The following NOSIP variants were observed in gnomAD, a reference collection of about 807,000 sequenced individuals.
NOSIP encodes nitric oxide synthase interacting protein.
A neutral mutation model predicts 36.4 loss-of-function variants in NOSIP; 25 were observed. The ratio of observed to expected loss-of-function variants is 0.69; its 90% CI spans 0.50 to 0.96. The LOEUF (loss-of-function observed/expected upper bound fraction) is 0.96. Ranked by LOEUF, NOSIP falls within the 40% of genes least tolerant of loss-of-function variation. The probability of loss-of-function intolerance (pLI) is 0.00; values close to 1 mark genes in which losing one functional copy is unlikely to be tolerated. For missense variants in NOSIP, 370 were observed against 429.0 expected, an observed-to-expected ratio of 0.86 and a Z score of 1.21; for synonymous variants, 187 against 179.2, an observed-to-expected ratio of 1.04 and a Z score of -0.35.
intron 4 of NOSIP, 128 bp from the exon 5 acceptor site, chr19:49,557,377 G>A: frequency 1.4e-6 from 2 of 1,447,636 alleles, no homozygotes; most frequent in Non-Finnish European, 1.8e-6. Flanking sequence ...GGCAGAGGGT[G>A]GTAACTGCCA....
chr19:49,559,885 TTCCCTTGCTC>T (rs1439223928), intron 3 of NOSIP, 39 bp downstream of exon 3: 2 of 1,412,678 alleles, frequency 1.4e-6, no homozygotes, highest in Non-Finnish European at 2.0e-6. Context: ...CTCCTGGCGG[TTCCCTTGCTC>T]TCCCCACCCA....
chr19:49,558,824 G>C, intron 4 of NOSIP, 73 bp downstream of exon 4: 1 of 1,199,022 alleles, frequency 8.3e-7, no homozygotes, highest in Non-Finnish European at 1.2e-6. Context: ...AGAGGGCTCT[G>C]AGTGGCTCTG....
chr19:49,557,625 T>C, intron 4 of NOSIP: 1 of 1,101,654 alleles, frequency 9.1e-7, no homozygotes, highest in African/African-American at 1.6e-5. Flanking sequence ...TTAATTAATG[T>C]CACCTGCTGG....
chr19:49,558,266 T>TTG (rs10677626), intron 4 of NOSIP: 1 of 145,970 alleles, frequency 6.9e-6, no homozygotes, highest in Non-Finnish European at 1.5e-5. Flanking sequence ...TTTTTTTTTT[T>TTG]GAAACAGAAT....
chr19:49,567,404 A>G (rs986955543), intron 1 of NOSIP, among the ~76,000 whole-genome samples: 2 of 152,136 alleles, frequency 1.3e-5, no homozygotes, highest in African/African-American at 4.8e-5. Context: ...TACAGGCGTG[A>G]GCCACCGTGC....
chr19:49,562,308 G>A (rs1244215561), intron 1 of NOSIP, among the ~76,000 whole-genome samples: 17 of 152,094 alleles, frequency 1.1e-4, no homozygotes, highest in Non-Finnish European at 2.2e-4. Flanking sequence ...ATTTTTAGTA[G>A]AGACGGGGTT....
chr19:49,560,413 G>A lies in NOSIP; in HGVS notation c.70+209C>T. On this transcript the variant is annotated intron_variant, in intron 2 of 8. Coordinates refer to ENST00000596358, the MANE Select transcript of NOSIP (RefSeq NM_001270960.2). This position sits in a 1 kb window ranked among gnomAD's most constrained non-coding sequence, Gnocchi z 4.6. ...CCTCCCTGACACTCTGTTGGGAGGAGTGAGTTCATGCGCAGAAGGCAGAGA... is the reference window on the plus strand; with the variant it reads ...CCTCCCTGACACTCTGTTGGGAGGAATGAGTTCATGCGCAGAAGGCAGAGA... 1.7e-6 allele frequency: 1 copy of A among 599,178 alleles called. No homozygotes were observed. Among genetic ancestry groups the A allele is most frequent in the East Asian group, 2.8e-5 (1 of 35,814 alleles). 37.1% of individuals were successfully genotyped at this position (599,178 alleles called of 1,614,324 possible).
At chr19:49,562,153 C>T (rs2080344083) in intron 1 of NOSIP, among the ~76,000 whole-genome samples, 1 of 152,074 alleles carries the variant, frequency 6.6e-6, no homozygotes, top group Non-Finnish European at 1.5e-5. Flanking sequence ...CGGAGTTTCA[C>T]TCTTGTTGCC....
At chr19:49,562,428 C>T (rs373153641) in intron 1 of NOSIP, among the ~76,000 whole-genome samples, 15 of 152,010 alleles carry the variant, frequency 9.9e-5, no homozygotes, top group African/African-American at 3.4e-4. Flanking sequence ...CTGGCCCCTG[C>T]AGGCTTTTTT....
intron 1 of NOSIP, among the ~76,000 whole-genome samples, chr19:49,573,426 G>T (rs770799889): frequency 5.9e-5 from 9 of 152,282 alleles, no homozygotes; most frequent in Admixed American, 1.3e-4. Context: ...CCGTCCCTCG[G>T]TATTTCGGCT....
chr19:49,558,936 G>A lies in NOSIP; in HGVS notation c.219C>T (p.Tyr73=), dbSNP rs1261583196. The A allele has an allele frequency of 6.2e-7, 1 of 1,614,094 alleles. No individual in the cohort carries two copies. Among genetic ancestry groups the A allele is most frequent in the Admixed American group, 1.7e-5 (1 of 60,002 alleles). Residue 73 remains tyrosine, a synonymous_variant, in exon 4 of 9, where the codon TAC becomes TAT. Transcript: ENST00000596358. ...YLYEREAILE[Y]ILHQKKEIAR... Reference sequence around the variant, plus strand: ...CAATCTCCTTCTTCTGGTGCAGAATGTACTCCAGGATGGCCTCACGCTCAT... The same window carrying A: ...CAATCTCCTTCTTCTGGTGCAGAATATACTCCAGGATGGCCTCACGCTCAT...
intron 1 of NOSIP, among the ~76,000 whole-genome samples, chr19:49,566,113 G>A (rs933753852): frequency 2.6e-5 from 4 of 151,474 alleles, no homozygotes; most frequent in Non-Finnish European, 4.4e-5. Flanking sequence ...TCTGCCACCC[G>A]GGTTCACGCC....
intron 8 of NOSIP, 98 bp downstream of exon 8, chr19:49,556,219 A>C: frequency 1.2e-5 from 4 of 339,876 alleles, no homozygotes; most frequent in Non-Finnish European, 1.6e-5. Context: ...GGGGCCTTGG[A>C]GAGTTGGGGG....
intron 1 of NOSIP, among the ~76,000 whole-genome samples, chr19:49,578,652 C>CT (rs771109884): frequency 0.062 from 8,997 of 144,762 alleles, 280 homozygotes; most frequent in South Asian, 0.12. Context: ...TCTATTTTTT[C>CT]TTTTTTTTTT....
At chr19:49,579,105 T>G (rs2080591535) in intron 1 of NOSIP, 1 of 151,988 alleles carries the variant, frequency 6.6e-6, no homozygotes, top group Non-Finnish European at 1.5e-5. Flanking sequence ...AGTTCTAAAT[T>G]AAGAGAGATG....
rs367797286 is a variant in NOSIP, at chr19:49,579,801, AT to A, written c.-2+713del. Among the ~76,000 whole-genome samples the A allele has an allele frequency of 9.8e-5, 15 of 152,338 alleles. 1 individual carries two copies. The East Asian group carries it at 2.3e-3, about 23-fold the overall frequency. On this transcript the variant is annotated intron_variant, in intron 1 of 8. Transcript: ENST00000596358. ...TTAAGTTTAAAAAAATACAGCAAGTATGGCAAAAATAATCATTGGTGATTTG... is the reference window on the plus strand; with the variant it reads ...TTAAGTTTAAAAAAATACAGCAAGTAGGCAAAAATAATCATTGGTGATTTG...
At chr19:49,575,479 CTGAAAATGGGG>C (rs2080539734) in intron 1 of NOSIP, among the ~76,000 whole-genome samples, 1 of 152,170 alleles carries the variant, frequency 6.6e-6, no homozygotes. Flanking sequence ...TTCACTACCC[CTGAAAATGGGG>C]CACCCAGGCA....
At chr19:49,568,268 G>A (rs1599758782) in intron 1 of NOSIP, among the ~76,000 whole-genome samples, 2 of 152,316 alleles carry the variant, frequency 1.3e-5, no homozygotes, top group East Asian at 1.9e-4. Flanking sequence ...GGCAATGGGT[G>A]TGGGGTGGAG....
intron 1 of NOSIP, among the ~76,000 whole-genome samples, chr19:49,565,191 G>C (rs534313579): frequency 1.3e-5 from 2 of 151,990 alleles, no homozygotes; most frequent in South Asian, 4.2e-4. Flanking sequence ...TGGATCACCT[G>C]AGCCCAGGGA....
Sources: allele counts gnomAD v4.1 joint callset (sites outside exome capture counted in the v4.1 genomes callset), GRCh38; gene constraint gnomAD v4.1.1; non-coding constraint Gnocchi (gnomAD v3.1); transcripts MANE v1.5; gene names NCBI Gene and HGNC (gene_info 2026-07-23, HGNC 2026-07-21).